TNFRSF1B: variants seen among roughly 807,000 people sequenced by gnomAD.
TNFRSF1B encodes tumor necrosis factor receptor superfamily member 1B.
A neutral mutation model predicts 44.6 loss-of-function variants in TNFRSF1B; 19 were observed. The observed-to-expected ratio is 0.43, with a 90% confidence interval of 0.30 to 0.62. The LOEUF is 0.62. TNFRSF1B is among the 20% of genes least tolerant of loss of function. The pLI, the probability that TNFRSF1B is intolerant of heterozygous loss-of-function variation, is 0.16. For missense variants in TNFRSF1B, 541 were observed against 619.9 expected, an observed-to-expected ratio of 0.87 and a Z score of 1.35; for synonymous variants, 252 against 261.1, an observed-to-expected ratio of 0.97 and a Z score of 0.34.
In TNFRSF1B at chr1:12,168,188, C is replaced by A. The variant is rs900278766; in HGVS notation, c.78+1019C>A. On this transcript the variant is annotated intron_variant, in intron 1 of 9. Transcript: ENST00000376259. This position sits in a 1 kb window ranked among gnomAD's most constrained non-coding sequence, Gnocchi z 4.7. The stretch of plus-strand genomic sequence containing the variant: ...GCCCTGAGGCTGCGGGGAAGGTGGG[C>A]GTTCATCCTTCCTCAGAGCCGCCCC... Among the ~76,000 whole-genome samples, 2 of 152,198 alleles carry A rather than the reference C, an allele frequency of 1.3e-5. No individual in the cohort carries two copies. The highest frequency in any genetic ancestry group is 2.9e-5 in the Non-Finnish European group (2 of 68,040).
rs1304682819 is a variant in TNFRSF1B at position 12,168,378 on chromosome 1, A to T, written c.78+1209A>T. On this transcript the variant is annotated intron_variant, in intron 1 of 9. Coordinates refer to ENST00000376259, the MANE Select transcript of TNFRSF1B (RefSeq NM_001066.3). This position sits in a 1 kb window ranked among gnomAD's most constrained non-coding sequence, Gnocchi z 4.7. ...GGGGCTGTCAGACTAGAATTGACTC[A>T]CCGACAGTGGGTGTCAGGAGTGGGT... 1.3e-5 allele frequency among the ~76,000 whole-genome samples: 2 copies of T among 152,192 alleles called. No homozygotes were observed. The highest frequency in any genetic ancestry group is 6.5e-5 in the Admixed American group (1 of 15,272).
chr1:12,167,076 G>C lies in TNFRSF1B; in HGVS notation c.-16G>C. On this transcript the variant is annotated 5_prime_UTR_variant, in exon 1 of 10. Coordinates refer to ENST00000376259, the MANE Select transcript of TNFRSF1B (RefSeq NM_001066.3). ...AGGGCGCGAGGGCAGGGGGCAACCG[G>C]ACCCCGCCCGCACCCATGGCGCCCG... 6 of 1,305,554 alleles carry C rather than the reference G, an allele frequency of 4.6e-6. No individual in the cohort carries two copies. Among genetic ancestry groups the C allele is most frequent in the Non-Finnish European group, 4.9e-6 (5 of 1,026,500 alleles). The allele number at this position is 1,305,554 out of a possible 1,614,324, so 80.9% of individuals were successfully genotyped here.
At chr1:12,193,908 T>G in intron 6 of TNFRSF1B, 47 bp from the exon 7 acceptor site, 22 of 1,527,970 alleles carry the variant, frequency 1.4e-5, no homozygotes, top group Non-Finnish European at 1.8e-5. Flanking sequence ...CCCTGGTACA[T>G]TTGAGTTTGT....
At chr1:12,195,868 C>T (rs1346188897) in intron 8 of TNFRSF1B, among the ~76,000 whole-genome samples, 1 of 152,096 alleles carries the variant, frequency 6.6e-6, no homozygotes, top group African/African-American at 2.4e-5. Flanking sequence ...AACTTCTCAA[C>T]CTCATGGATA....
rs376576479 is a variant in TNFRSF1B, at chr1:12,206,836, C to G, written c.1202C>G (p.Ala401Gly). The G allele has an allele frequency of 8.1e-6, 13 of 1,614,098 alleles. No homozygotes were observed. The highest frequency in any genetic ancestry group is 3.3e-5 in the Admixed American group (2 of 60,006). ...SDHSSQCSSQ[A>G]SSTMGDTDSS... ...CACAGCTCACAGTGCTCCTCCCAAG[C>G]CAGCTCCACAATGGGAGACACAGAT... The change falls in exon 10 of 10, where the codon GCC becomes GGC. Residue 401 changes from alanine to glycine, a missense_variant. Coordinates refer to ENST00000376259, the MANE Select transcript of TNFRSF1B (RefSeq NM_001066.3).
intron 3 of TNFRSF1B, 92 bp downstream of exon 3, chr1:12,191,177 G>A (rs1639112857): frequency 6.5e-7 from 1 of 1,527,512 alleles, no homozygotes; most frequent in Non-Finnish European, 8.8e-7. Flanking sequence ...GCTGTCTGGA[G>A]TTACCCCAGG....
At chr1:12,184,345 A>ATT (rs544768786) in intron 1 of TNFRSF1B, among the ~76,000 whole-genome samples, 5 of 139,820 alleles carry the variant, frequency 3.6e-5, no homozygotes, top group South Asian at 4.5e-4. Context: ...AAGGCTGTGG[A>ATT]TTTTTTTTTT....
At chr1:12,167,478 CG>C in intron 1 of TNFRSF1B, 1 of 430,594 alleles carries the variant, frequency 2.3e-6, no homozygotes, top group Non-Finnish European at 4.3e-6. Flanking sequence ...GGCTGAGCAG[CG>C]GGTCCTGGGC....
intron 2 of TNFRSF1B, among the ~76,000 whole-genome samples, chr1:12,190,610 C>T (rs531504599): frequency 6.6e-5 from 10 of 152,138 alleles, no homozygotes; most frequent in African/African-American, 2.2e-4. Context: ...CCTGTTCCCC[C>T]TATCATTCAT....
chr1:12,174,427 T>C (rs2101079932), intron 1 of TNFRSF1B, among the ~76,000 whole-genome samples: 1 of 152,144 alleles, frequency 6.6e-6, no homozygotes, highest in South Asian at 2.1e-4. Context: ...TTTGTATTTT[T>C]AGTAGAGATG....
At position 12,199,596 on chromosome 1, in the gene TNFRSF1B, C is replaced by A. The variant is rs564627539; in HGVS notation, c.901-2371C>A. 6.6e-6 allele frequency among the ~76,000 whole-genome samples: 1 copy of A among 152,144 alleles called. No homozygotes were observed. The highest frequency in any genetic ancestry group is 2.4e-5 in the African/African-American group (1 of 41,438). On this transcript the variant is annotated intron_variant, in intron 8 of 9. Transcript: ENST00000376259. This position sits in a 1 kb window ranked among gnomAD's most constrained non-coding sequence, Gnocchi z 4.0. The stretch of plus-strand genomic sequence containing the variant: ...CAGGTGTCCGAGAAGCCATGGGAGC[C>A]GGGGGCTGCAGGGATTGGACAGAGA...
rs752373710 is a variant in TNFRSF1B at position 12,192,453 on chromosome 1, G to A, written c.480G>A (p.Val160=). 3 of 1,614,172 alleles carry A rather than the reference G, an allele frequency of 1.9e-6. No individual in the cohort carries two copies. The South Asian group carries it at 3.3e-5, about 18-fold the overall frequency. ...ARPGTETSDV[V]CKPCAPGTFS... The stretch of plus-strand genomic sequence containing the variant: ...AAGGAACTGAAACATCAGACGTGGT[G>A]TGCAAGCCCTGTGCCCCGGGGACGT... The change falls in exon 5 of 10, where the codon GTG becomes GTA. Residue 160 remains valine (V), a synonymous_variant. Transcript: ENST00000376259.
chr1:12,202,378 G>A (rs760331408), intron 9 of TNFRSF1B, among the ~76,000 whole-genome samples: 2 of 152,184 alleles, frequency 1.3e-5, no homozygotes, highest in Non-Finnish European at 2.9e-5. Context: ...CCTTCTGTGG[G>A]ACAACCCCAG....
At chr1:12,188,212 T>C (rs1388661285) in intron 1 of TNFRSF1B, among the ~76,000 whole-genome samples, 1 of 152,086 alleles carries the variant, frequency 6.6e-6, no homozygotes, top group African/African-American at 2.4e-5. Context: ...TGTGTGTGCA[T>C]ACATACCCAC....
intron 8 of TNFRSF1B, 105 bp from the exon 9 acceptor site, chr1:12,201,862 G>T: frequency 1.4e-6 from 2 of 1,427,816 alleles, no homozygotes; most frequent in Non-Finnish European, 1.9e-6. Flanking sequence ...CGTAAACTGA[G>T]AAGTGCTGAT....
At chr1:12,194,666 CG>C in intron 8 of TNFRSF1B, 48 bp downstream of exon 8, 1 of 1,608,802 alleles carries the variant, frequency 6.2e-7, no homozygotes, top group East Asian at 2.2e-5. Context: ...GTCTCCTTCC[CG>C]GCGTGCTGGG....
intron 9 of TNFRSF1B, among the ~76,000 whole-genome samples, chr1:12,204,468 T>C (rs1160286817): frequency 6.6e-6 from 1 of 152,176 alleles, no homozygotes; most frequent in South Asian, 2.1e-4. Flanking sequence ...ATCCGAGTAG[T>C]TGGAGTTAGG....
chr1:12,190,622 C>G (rs1203317783), intron 2 of TNFRSF1B, among the ~76,000 whole-genome samples: 1 of 151,920 alleles, frequency 6.6e-6, no homozygotes, highest in Non-Finnish European at 1.5e-5. Flanking sequence ...ATCATTCATG[C>G]CCCTAGCTGG....
At chr1:12,194,057 C>T (rs535844061) in intron 7 of TNFRSF1B, 25 bp downstream of exon 7, 1 of 1,603,122 alleles carries the variant, frequency 6.2e-7, no homozygotes, top group African/African-American at 1.3e-5. Context: ...TTCCTTCCTT[C>T]ATCCACTTGT....
Sources: allele counts gnomAD v4.1 joint callset (sites outside exome capture counted in the v4.1 genomes callset), GRCh38; gene constraint gnomAD v4.1.1; non-coding constraint Gnocchi (gnomAD v3.1); transcripts MANE v1.5; gene names NCBI Gene and HGNC (gene_info 2026-07-23, HGNC 2026-07-21).